Variants in MED13L observed in about 807,000 individuals in gnomAD.
MED13L encodes the protein mediator of RNA polymerase II transcription subunit 13-like.
In MED13L, 7 loss-of-function variants were observed where a neutral mutation model predicts 220.9. That is an observed-to-expected ratio of 0.03 (90% CI 0.02 to 0.06). The LOEUF (loss-of-function observed/expected upper bound fraction) is 0.06, where lower values mean the gene tolerates loss of function less well. MED13L is among the 10% of genes least tolerant of loss of function. The probability of loss-of-function intolerance (pLI) is 1.00; values close to 1 mark genes in which losing one functional copy is unlikely to be tolerated. For synonymous variants in MED13L, 1,011 were observed against 1,015.2 expected, an observed-to-expected ratio of 1.00 and a Z score of 0.08; for missense variants, 1,965 against 2,760.5, an observed-to-expected ratio of 0.71 and a Z score of 6.46.
intron 2 of MED13L, chr12:116,148,566 G>T: frequency 3.3e-6 from 1 of 305,322 alleles, no homozygotes. Context: ...AAACTTCTTT[G>T]CTTGTTTTAT....
At chr12:116,254,061 G>A (rs981967003) in intron 1 of MED13L, among the ~76,000 whole-genome samples, 4 of 151,718 alleles carry the variant, frequency 2.6e-5, no homozygotes, top group East Asian at 1.9e-4. Flanking sequence ...CCACTTTCAC[G>A]GTATTTTAAA....
chr12:116,031,759 A>AAG (rs1880838903), intron 4 of MED13L, among the ~76,000 whole-genome samples: 434 of 40,996 alleles, frequency 0.011, 31 homozygotes, highest in Middle Eastern at 0.038. Context: ...AGAAAAGAAA[A>AAG]GAAGGAAGGA....
chr12:116,181,569 G>A (rs1169670090), intron 2 of MED13L, among the ~76,000 whole-genome samples: 5 of 152,034 alleles, frequency 3.3e-5, no homozygotes, highest in Non-Finnish European at 5.9e-5. Flanking sequence ...GTGCAATGGC[G>A]TGATCTCGGC....
At chr12:116,125,614 A>C (rs547709871) in intron 2 of MED13L, among the ~76,000 whole-genome samples, 50 of 152,310 alleles carry the variant, frequency 3.3e-4, no homozygotes, top group African/African-American at 1.2e-3. Flanking sequence ...TTATTACAGA[A>C]GATAACATCT....
At position 115,991,678 on chromosome 12, in the gene MED13L, G is replaced by A; in HGVS notation, c.3276C>T (p.Leu1092=). Residue 1092 remains leucine (L), a synonymous_variant, in exon 17 of 31, where the codon CTC becomes CTT. Coordinates refer to ENST00000281928, the MANE Select transcript of MED13L (RefSeq NM_015335.5). This position sits in a 1 kb window ranked among gnomAD's most constrained non-coding sequence, Gnocchi z 7.7. ...GCATGGTGGCGGGCTCCACAGAGTTGAGGGGCCGTGTAGTAGAGGGGGTGG... is the reference window on the plus strand; with the variant it reads ...GCATGGTGGCGGGCTCCACAGAGTTAAGGGGCCGTGTAGTAGAGGGGGTGG... ...PASTPSTTRP[L]NSVEPATMQP... is the part of the protein sequence containing the mutation. 6.2e-7 allele frequency: 1 copy of A among 1,614,072 alleles called. No homozygotes were observed.
intron 2 of MED13L, among the ~76,000 whole-genome samples, chr12:116,217,072 T>G (rs565868625): frequency 2.0e-5 from 3 of 152,338 alleles, no homozygotes; most frequent in South Asian, 2.1e-4. Flanking sequence ...GTCTTTCCCT[T>G]TACCTTGACA....
chr12:116,033,090 TA>T (rs35291464), intron 4 of MED13L, among the ~76,000 whole-genome samples: 22,546 of 151,064 alleles, frequency 0.15, 1,886 homozygotes, highest in Middle Eastern at 0.21. Context: ...TTTGTTTTTT[TA>T]AAAAAAAACA....
intron 7 of MED13L, among the ~76,000 whole-genome samples, chr12:116,018,625 G>A (rs1879872474): frequency 2.0e-5 from 3 of 151,916 alleles, no homozygotes; most frequent in Admixed American, 2.0e-4. Flanking sequence ...CAATAAAGAA[G>A]GCAAAAATGT....
chr12:116,114,688 G>A (rs1342615272), intron 2 of MED13L, among the ~76,000 whole-genome samples: 1 of 152,088 alleles, frequency 6.6e-6, no homozygotes, highest in Non-Finnish European at 1.5e-5. Flanking sequence ...CATATGACAC[G>A]ACTGTCTATC....
intron 2 of MED13L, among the ~76,000 whole-genome samples, chr12:116,227,551 G>A (rs1222155959): frequency 1.3e-5 from 2 of 152,064 alleles, no homozygotes; most frequent in Non-Finnish European, 2.9e-5. Context: ...TATCTGTTAT[G>A]GTGGATCTGT....
chr12:116,231,953 A>C, intron 2 of MED13L: 1 of 276,142 alleles, frequency 3.6e-6, no homozygotes, highest in Non-Finnish European at 5.5e-6. Context: ...TAATCTATAG[A>C]TACAGATTAC....
intron 2 of MED13L, among the ~76,000 whole-genome samples, chr12:116,166,833 G>A (rs1012115578): frequency 3.9e-5 from 6 of 152,114 alleles, no homozygotes; most frequent in African/African-American, 1.2e-4. Context: ...AATATTTGTT[G>A]AATGAATAAG....
chr12:116,146,961 A>G (rs1345059879), intron 2 of MED13L, among the ~76,000 whole-genome samples: 1 of 152,192 alleles, frequency 6.6e-6, no homozygotes, highest in African/African-American at 2.4e-5. Context: ...AAAAACTACC[A>G]AATATTTATC....
In MED13L at chr12:115,983,266, G is replaced by C. The variant is rs1335371365; in HGVS notation, c.4806C>G (p.Thr1602=). ...SAPGISQIST[T]SSSGFSGSVG... ...CACTACCACTGAATCCTGAAGAAGA[G>C]GTAGTGCTTATCTGGCTAATACCAG... The change falls in exon 21 of 31, where the codon ACC becomes ACG. Residue 1602 remains threonine (T), a synonymous_variant. Coordinates refer to ENST00000281928, the MANE Select transcript of MED13L (RefSeq NM_015335.5). 6.2e-7 allele frequency: 1 copy of C among 1,614,206 alleles called. No individual in the cohort carries two copies. The highest frequency in any genetic ancestry group is 8.5e-7 in the Non-Finnish European group (1 of 1,180,040).
chr12:116,241,486 C>T lies in MED13L; in HGVS notation c.73-3781G>A, dbSNP rs146278397. On this transcript the variant is annotated intron_variant, in intron 1 of 30. Coordinates refer to ENST00000281928, the MANE Select transcript of MED13L (RefSeq NM_015335.5). ...ATGAAAATCTATGCACGGTAATTTA[C>T]TCACTACAACACTTTCACCTGTAAT... Among the ~76,000 whole-genome samples the T allele has an allele frequency of 5.9e-4, 90 of 152,258 alleles. No homozygotes were observed. In the East Asian group the frequency reaches 0.016, roughly 27 times the overall value.
At chr12:116,003,323 T>C (rs954327860) in intron 13 of MED13L, among the ~76,000 whole-genome samples, 14 of 152,264 alleles carry the variant, frequency 9.2e-5, no homozygotes, top group South Asian at 6.2e-4. Context: ...TGAGGGCAGA[T>C]TGCGCCATCA....
intron 2 of MED13L, among the ~76,000 whole-genome samples, chr12:116,207,393 C>A (rs1235433475): frequency 6.6e-6 from 1 of 152,154 alleles, no homozygotes; most frequent in Admixed American, 6.5e-5. Flanking sequence ...CTGTAGCCTA[C>A]AAGCTACATA....
At chr12:116,057,471 A>G (rs889636741) in intron 4 of MED13L, among the ~76,000 whole-genome samples, 1 of 151,776 alleles carries the variant, frequency 6.6e-6, no homozygotes, top group African/African-American at 2.4e-5. Flanking sequence ...ACAGTTGGGT[A>G]CCCTCTGACT....
chr12:115,989,542 T>C (rs1342591778), intron 17 of MED13L, among the ~76,000 whole-genome samples: 1 of 152,076 alleles, frequency 6.6e-6, no homozygotes, highest in Non-Finnish European at 1.5e-5. Flanking sequence ...TTATCACCTA[T>C]ATGCCAACCA....
Sources: gnomAD v4.1 joint callset for allele counts (sites outside exome capture counted in the v4.1 genomes callset) on GRCh38, gnomAD v4.1.1 for gene constraint, Gnocchi (gnomAD v3.1) non-coding constraint, MANE v1.5 for transcripts, NCBI Gene and HGNC (gene_info 2026-07-23, HGNC 2026-07-21) for gene names.